SYNGR1: variants seen among roughly 807,000 people sequenced by gnomAD.
The protein encoded by SYNGR1 is synaptogyrin-1.
SYNGR1 carries 14 observed loss-of-function variants against 26.1 expected under a neutral mutation model. The observed-to-expected ratio is 0.54, with a 90% confidence interval of 0.35 to 0.84. The LOEUF (loss-of-function observed/expected upper bound fraction) is 0.84, where lower values mean the gene tolerates loss of function less well. Ranked by LOEUF, SYNGR1 falls within the 40% of genes least tolerant of loss-of-function variation. SYNGR1 has a pLI of 0.01. For synonymous variants in SYNGR1, 141 were observed against 150.1 expected (o/e 0.94, Z 0.44); for missense variants, 319 against 332.9 (o/e 0.96, Z 0.33).
intron 1 of SYNGR1, among the ~76,000 whole-genome samples, chr22:39,353,927 G>T (rs557098860): frequency 6.6e-6 from 1 of 152,102 alleles, no homozygotes; most frequent in Non-Finnish European, 1.5e-5. Context: ...GCAGTGGCGC[G>T]ATCTTGGCTC....
intron 1 of SYNGR1, among the ~76,000 whole-genome samples, chr22:39,356,806 A>T (rs548708599): frequency 6.6e-6 from 1 of 152,266 alleles, no homozygotes; most frequent in African/African-American, 2.4e-5. Flanking sequence ...CTGGAGCAAG[A>T]GGCCCATGCT....
rs1923857455 is a variant in SYNGR1, at chr22:39,350,563, T to C, written c.99+454T>C. Reference sequence around the variant, plus strand: ...TGCATGCCGCGCCTGCGATGGACGTTGGAGGAGGAGAGGGCCGGGAACCGG... The same window carrying C: ...TGCATGCCGCGCCTGCGATGGACGTCGGAGGAGGAGAGGGCCGGGAACCGG... On this transcript the variant is annotated intron_variant, in intron 1 of 3. Coordinates refer to ENST00000328933, the MANE Select transcript of SYNGR1 (RefSeq NM_004711.5). The surrounding 1 kb of genome is among the most constrained non-coding windows in gnomAD (Gnocchi z 4.3). Among the ~76,000 whole-genome samples the C allele has an allele frequency of 6.6e-6, 1 of 151,660 alleles. No homozygotes were observed. The highest frequency in any genetic ancestry group is 1.5e-5 in the Non-Finnish European group (1 of 67,882).
Position 39,374,435 on chromosome 22 carries a change from C to G in SYNGR1, c.219C>G (p.Ala73=), listed in dbSNP as rs570397080. Residue 73 remains alanine, a synonymous_variant, in exon 2 of 4, where the codon GCC becomes GCG. Coordinates refer to ENST00000328933, the MANE Select transcript of SYNGR1 (RefSeq NM_004711.5). ...CCAACGCCTGCAGCTATGGCGTGGC[C>G]GTGGGCGTGCTCGCCTTCCTCACCT... ...RNPNACSYGV[A]VGVLAFLTCL... is the part of the protein sequence containing the mutation. The G allele has an allele frequency of 2.5e-6, 4 of 1,613,996 alleles. No individual in the cohort carries two copies. The highest frequency in any genetic ancestry group is 3.4e-6 in the Non-Finnish European group (4 of 1,180,028).
chr22:39,377,055 G>A, intron 3 of SYNGR1: 2 of 1,550,780 alleles, frequency 1.3e-6, no homozygotes, highest in Non-Finnish European at 1.7e-6. Context: ...CATCCCAAGA[G>A]CCCTCCCCAT....
At chr22:39,371,758 TACACACGTGAG>T (rs1333005332) in intron 1 of SYNGR1, among the ~76,000 whole-genome samples, 1 of 152,124 alleles carries the variant, frequency 6.6e-6, no homozygotes, top group South Asian at 2.1e-4. Flanking sequence ...GTGCTGGGAT[TACACACGTGAG>T]ACACCATGCC....
chr22:39,350,200 C>T lies in SYNGR1; in HGVS notation c.99+91C>T. 1 of 686,928 alleles carries T rather than the reference C, an allele frequency of 1.5e-6. No individual in the cohort carries two copies. Among genetic ancestry groups the T allele is most frequent in the Non-Finnish European group, 1.9e-6 (1 of 521,950 alleles). The allele number at this position is 686,928 out of a possible 1,614,324, so 42.6% of individuals were successfully genotyped here. On this transcript the variant is annotated intron_variant, in intron 1 of 3. Coordinates refer to ENST00000328933, the MANE Select transcript of SYNGR1 (RefSeq NM_004711.5). This position sits in a 1 kb window ranked among gnomAD's most constrained non-coding sequence, Gnocchi z 4.3. ...GCCCGGACCGACCCCGACCCCGACC[C>T]CAACGGGCCCCCGGCGGCGGCGCGG...
chr22:39,362,839 C>G (rs5757638), intron 1 of SYNGR1, among the ~76,000 whole-genome samples: 136,336 of 152,164 alleles, frequency 0.9, 61,295 homozygotes, highest in African/African-American at 0.97. Context: ...TGCTGCCTGG[C>G]CCTCTCTGAC....
chr22:39,357,572 C>T (rs965677719), intron 1 of SYNGR1, among the ~76,000 whole-genome samples: 18 of 151,770 alleles, frequency 1.2e-4, no homozygotes, highest in Non-Finnish European at 5.9e-5. Context: ...CTGCGTGCGG[C>T]GCTTGCGGGC....
chr22:39,355,219 T>C lies in SYNGR1; in HGVS notation c.99+5110T>C, dbSNP rs570024298. On this transcript the variant is annotated intron_variant, in intron 1 of 3. Transcript: ENST00000328933. ...ACAGACTCACAAGCTGGACTTCCTC[T>C]GAGGGCAGTGGGAAGCTGGAGAGAG... Among the ~76,000 whole-genome samples, 10 of 152,318 alleles carry C rather than the reference T, an allele frequency of 6.6e-5. No individual in the cohort carries two copies. The East Asian group carries it at 1.3e-3, about 21-fold the overall frequency.
In SYNGR1 at chr22:39,352,615, C is replaced by T. The variant is rs967310974; in HGVS notation, c.99+2506C>T. Among the ~76,000 whole-genome samples the T allele has an allele frequency of 5.3e-5, 8 of 152,072 alleles. No homozygotes were observed. In the East Asian group the frequency reaches 5.8e-4, roughly 11 times the overall value. ...AGCCATTTAAACACATCAGGAGCTG[C>T]GGGGGATGCAGCTGGCGCCTGCTCT... On this transcript the variant is annotated intron_variant, in intron 1 of 3. Coordinates refer to ENST00000328933, the MANE Select transcript of SYNGR1 (RefSeq NM_004711.5).
In SYNGR1 at chr22:39,382,088, C is replaced by G; in HGVS notation, c.*174C>G. 2 of 697,808 alleles carry G rather than the reference C, an allele frequency of 2.9e-6. No homozygotes were observed. The highest frequency in any genetic ancestry group is 5.4e-5 in the East Asian group (2 of 36,900). The allele number at this position is 697,808 out of a possible 1,614,324, so 43.2% of individuals were successfully genotyped here. A position where few individuals can be genotyped will look rare whatever the true frequency, so the allele number is the denominator to read the frequency against. On this transcript the variant is annotated 3_prime_UTR_variant, in exon 4 of 4. Coordinates refer to ENST00000328933, the MANE Select transcript of SYNGR1 (RefSeq NM_004711.5). ...GCAGTCCAGTGTTGGGGACTGTCTACGTATGTGCAAGTATATCCCAGGGCA... is the reference window on the plus strand; with the variant it reads ...GCAGTCCAGTGTTGGGGACTGTCTAGGTATGTGCAAGTATATCCCAGGGCA...
At chr22:39,376,758 ATCCTAAG>A (rs71676496) in intron 3 of SYNGR1, among the ~76,000 whole-genome samples, 6,620 of 152,274 alleles carry the variant, frequency 0.043, 466 homozygotes, top group African/African-American at 0.15. Context: ...ATGCGTGCCT[ATCCTAAG>A]TCCTAAGAGG....
intron 1 of SYNGR1, among the ~76,000 whole-genome samples, chr22:39,360,647 G>A (rs1924428331): frequency 6.6e-6 from 1 of 152,208 alleles, no homozygotes; most frequent in Admixed American, 6.5e-5. Context: ...CTGAGCACGG[G>A]CCGGATGAGG....
rs546648435 is a variant in SYNGR1, at chr22:39,378,065, A to G, written c.483+1868A>G. The G allele has an allele frequency of 5.1e-6, 6 of 1,186,506 alleles. No individual in the cohort carries two copies. The South Asian group carries it at 9.5e-5, about 19-fold the overall frequency. The allele number at this position is 1,186,506 out of a possible 1,614,324, so 73.5% of individuals were successfully genotyped here. A position where few individuals can be genotyped will look rare whatever the true frequency, so the allele number is the denominator to read the frequency against. On this transcript the variant is annotated intron_variant, in intron 3 of 3. Transcript: ENST00000328933. ...GCGGCCCCATACATGGGCTGCCTAG[A>G]GGCGTTCATGGTCCCCATTGCTGAG...
chr22:39,377,099 C>T (rs938434668), intron 3 of SYNGR1: 3 of 1,544,972 alleles, frequency 1.9e-6, no homozygotes, highest in Middle Eastern at 1.7e-4. Flanking sequence ...GACCGGCGAG[C>T]ACTTCTGGGC....
At chr22:39,367,996 G>C (rs1412541424) in intron 1 of SYNGR1, among the ~76,000 whole-genome samples, 1 of 152,144 alleles carries the variant, frequency 6.6e-6, no homozygotes, top group Non-Finnish European at 1.5e-5. Context: ...TCCTGTGCCT[G>C]GAACATACTT....
At chr22:39,372,123 C>CTTTTTTTTTTT (rs71197177) in intron 1 of SYNGR1, among the ~76,000 whole-genome samples, 1 of 70,224 alleles carries the variant, frequency 1.4e-5, no homozygotes, top group Non-Finnish European at 2.6e-5. Flanking sequence ...TAGATCCATT[C>CTTTTTTTTTTT]TTTTTTTTTT....
chr22:39,381,812 G>A lies in SYNGR1; in HGVS notation c.600G>A (p.Val200=). The change falls in exon 4 of 4, where the codon GTG becomes GTA. Residue 200 remains valine (V), a synonymous_variant. Coordinates refer to ENST00000328933, the MANE Select transcript of SYNGR1 (RefSeq NM_004711.5). The part of the protein sequence containing the change: ...QDSSMPYAPY[V]EPTGPDPAGM... ...CCAGCATGCCTTACGCGCCCTACGT[G>A]GAGCCCACTGGGCCGGATCCCGCCG... 1.3e-6 allele frequency: 2 copies of A among 1,522,932 alleles called. No homozygotes were observed. The highest frequency in any genetic ancestry group is 1.7e-6 in the Non-Finnish European group (2 of 1,149,676). 94.3% of individuals were successfully genotyped at this position (1,522,932 alleles called of 1,614,324 possible). A position where few individuals can be genotyped will look rare whatever the true frequency, so the allele number is the denominator to read the frequency against.
intron 1 of SYNGR1, among the ~76,000 whole-genome samples, chr22:39,366,898 C>T (rs1441743200): frequency 2.6e-5 from 4 of 152,242 alleles, no homozygotes; most frequent in African/African-American, 7.2e-5. Context: ...AAGGCCAACC[C>T]ATCTTCCTCG....
Sources: allele counts gnomAD v4.1 joint callset (sites outside exome capture counted in the v4.1 genomes callset), GRCh38; gene constraint gnomAD v4.1.1; non-coding constraint Gnocchi (gnomAD v3.1); transcripts MANE v1.5; gene names NCBI Gene and HGNC (gene_info 2026-07-23, HGNC 2026-07-21).